Variants in SEL1L3 observed in about 807,000 individuals in gnomAD.
The protein encoded by SEL1L3 is protein sel-1 homolog 3.
A neutral mutation model predicts 142.8 loss-of-function variants in SEL1L3; 76 were observed. That is an observed-to-expected ratio of 0.53 (90% CI 0.44 to 0.64). The LOEUF is 0.64. Ranked by LOEUF, SEL1L3 falls within the 30% of genes least tolerant of loss-of-function variation. The probability of loss-of-function intolerance (pLI) is 0.00; values close to 1 mark genes in which losing one functional copy is unlikely to be tolerated. For missense variants in SEL1L3, 1,262 were observed against 1,381.7 expected (o/e 0.91, Z 1.37); for synonymous variants, 504 against 519.6 (o/e 0.97, Z 0.41).
chr4:25,770,106 C>A lies in SEL1L3; in HGVS notation c.2670-2276G>T, dbSNP rs530551095. ...CTGTGCAACTGCACTGCAGCCTGGG[C>A]GATAGAGCCAGATTCTGTCTCTAAA... is the stretch of plus-strand genomic sequence containing the variant. On this transcript the variant is annotated intron_variant, in intron 17 of 23. Transcript: ENST00000399878. Among the ~76,000 whole-genome samples the A allele has an allele frequency of 2.7e-4, 41 of 152,006 alleles. 1 individual carries two copies. Among genetic ancestry groups the A allele is most frequent in the Non-Finnish European group, 2.5e-4 (17 of 67,986 alleles).
rs150607500 is a variant in SEL1L3 at position 25,843,277 on chromosome 4, G to T, written c.733+4017C>A. Among the ~76,000 whole-genome samples, 196 of 151,786 alleles carry T rather than the reference G, an allele frequency of 1.3e-3. 1 individual carries two copies. The highest frequency in any genetic ancestry group is 4.6e-3 in the African/African-American group (190 of 41,358). On this transcript the variant is annotated intron_variant, in intron 2 of 23. Coordinates refer to ENST00000399878, the MANE Select transcript of SEL1L3 (RefSeq NM_015187.5). ...CAATCACCTTGCACTGGCTGCTGGT[G>T]GGGGGTGAGGAGGGTACGACGGGCA...
In SEL1L3 at chr4:25,788,438, G is replaced by C; in HGVS notation, c.2077-74C>G. ...TAACACAAGATTTTGAAAGGTGGGAGAGCAAACCTACTTTACGATGTTTTA... is the reference window on the plus strand; with the variant it reads ...TAACACAAGATTTTGAAAGGTGGGACAGCAAACCTACTTTACGATGTTTTA... On this transcript the variant is annotated intron_variant, in intron 12 of 23. Transcript: ENST00000399878. This position sits in a 1 kb window ranked among gnomAD's most constrained non-coding sequence, Gnocchi z 5.3. 1 of 1,473,650 alleles carries C rather than the reference G, an allele frequency of 6.8e-7. No homozygotes were observed. The highest frequency in any genetic ancestry group is 1.2e-5 in the South Asian group (1 of 84,290). 91.3% of individuals were successfully genotyped at this position (1,473,650 alleles called of 1,614,324 possible). A position where few individuals can be genotyped will look rare whatever the true frequency, so the allele number is the denominator to read the frequency against.
chr4:25,767,718 T>C (rs769479623), intron 18 of SEL1L3, 22 bp downstream of exon 18: 2 of 1,529,124 alleles, frequency 1.3e-6, no homozygotes, highest in East Asian at 2.3e-5. Context: ...GCTTCTACTC[T>C]GAGAAGAATA....
At chr4:25,824,184 T>C (rs1177390261) in intron 6 of SEL1L3, among the ~76,000 whole-genome samples, 3 of 152,128 alleles carry the variant, frequency 2.0e-5, no homozygotes, top group Non-Finnish European at 4.4e-5. Flanking sequence ...TTCCAAGACC[T>C]TGAAAAGACA....
Position 25,825,595 on chromosome 4 carries a change from T to TGGCTG in SEL1L3, c.1158-3472_1158-3468dup, listed in dbSNP as rs887051206. Among the ~76,000 whole-genome samples the TGGCTG allele has an allele frequency of 2.0e-4, 30 of 151,968 alleles. 1 individual carries two copies. The highest frequency in any genetic ancestry group is 1.9e-3 in the Admixed American group (29 of 15,258). Reference sequence around the variant, plus strand: ...GGTATGAGAACTTAGAGCTTCAAATTGGCTGCCCCCATGTCCCACAGAGTA... The same window carrying TGGCTG: ...GGTATGAGAACTTAGAGCTTCAAATTGGCTGGGCTGCCCCCATGTCCCACAGAGTA... On this transcript the variant is annotated intron_variant, in intron 6 of 23. Transcript: ENST00000399878.
At chr4:25,733,957 T>C in the SEL1L3 span, among the ~76,000 whole-genome samples, 1 of 152,190 alleles carries the variant, frequency 6.6e-6, no homozygotes, top group Non-Finnish European at 1.5e-5. Context: ...GGTTTTGTTA[T>C]AGATACTTTT....
intron 17 of SEL1L3, among the ~76,000 whole-genome samples, chr4:25,768,602 A>G (rs1718925404): frequency 6.6e-6 from 1 of 152,188 alleles, no homozygotes; most frequent in Admixed American, 6.5e-5. Flanking sequence ...AGAAACAATC[A>G]GAGATATGTG....
At chr4:25,765,301 G>T in intron 20 of SEL1L3, 25 bp downstream of exon 20, 10 of 1,506,556 alleles carry the variant, frequency 6.6e-6, no homozygotes, top group Non-Finnish European at 9.2e-6. Flanking sequence ...GCCAAGAGCT[G>T]GTTTTTGTTG....
At chr4:25,780,888 C>T (rs1280077397) in intron 15 of SEL1L3, among the ~76,000 whole-genome samples, 1 of 150,328 alleles carries the variant, frequency 6.7e-6, no homozygotes, top group Admixed American at 6.7e-5. Context: ...TACAGTGGCA[C>T]AATCTTAGCT....
intron 1 of SEL1L3, 129 bp downstream of exon 1, chr4:25,862,546 C>T: frequency 2.2e-6 from 1 of 448,572 alleles, no homozygotes; most frequent in Non-Finnish European, 3.5e-6. Context: ...GCCCGGGGCG[C>T]AGCGACGAGG....
chr4:25,790,706 A>C (rs1198580932), intron 11 of SEL1L3, 132 bp from the exon 12 acceptor site: 1 of 135,634 alleles, frequency 7.4e-6, no homozygotes, highest in Non-Finnish European at 1.5e-5. Context: ...GAGGGAAGGA[A>C]GAAAAGAAGG....
At chr4:25,809,480 C>T (rs1214167181) in intron 9 of SEL1L3, among the ~76,000 whole-genome samples, 2 of 152,004 alleles carry the variant, frequency 1.3e-5, no homozygotes, top group East Asian at 1.9e-4. Context: ...GACAGGGCTT[C>T]GCTATGTTAC....
chr4:25,782,613 T>G (rs529015341), intron 14 of SEL1L3, among the ~76,000 whole-genome samples, 195 bp from the exon 15 acceptor site: 1 of 152,284 alleles, frequency 6.6e-6, no homozygotes, highest in East Asian at 1.9e-4. Flanking sequence ...CAGGTGTGTT[T>G]CACCCGACTG....
At chr4:25,782,469 G>C in intron 14 of SEL1L3, 51 bp from the exon 15 acceptor site, 1 of 1,519,084 alleles carries the variant, frequency 6.6e-7, no homozygotes, top group Non-Finnish European at 9.0e-7. Flanking sequence ...GAAATCTAGA[G>C]AGCTCTGGAA....
intron 5 of SEL1L3, among the ~76,000 whole-genome samples, chr4:25,831,271 C>A (rs527380875): frequency 4.8e-4 from 73 of 151,282 alleles, no homozygotes; most frequent in African/African-American, 1.8e-3. Flanking sequence ...ACGTATTTTC[C>A]CTTCTATTAG....
At chr4:25,854,990 T>C (rs769186655) in intron 1 of SEL1L3, among the ~76,000 whole-genome samples, 1 of 152,248 alleles carries the variant, frequency 6.6e-6, no homozygotes, top group African/African-American at 2.4e-5. Flanking sequence ...TCACCCTGCA[T>C]GGCCTGTGCA....
the SEL1L3 span, among the ~76,000 whole-genome samples, chr4:25,730,767 G>A: frequency 2.6e-5 from 4 of 152,052 alleles, no homozygotes; most frequent in South Asian, 2.1e-4. Flanking sequence ...GGTGGCTCAC[G>A]CCTGTAATCC....
At chr4:25,822,696 C>T (rs576547936) in intron 6 of SEL1L3, among the ~76,000 whole-genome samples, 144 of 152,148 alleles carry the variant, frequency 9.5e-4, no homozygotes, top group African/African-American at 3.4e-3. Context: ...AGGGTTTGGC[C>T]GGAGATGAGA....
intron 11 of SEL1L3, among the ~76,000 whole-genome samples, chr4:25,793,858 T>G (rs1457160096): frequency 6.6e-6 from 1 of 152,150 alleles, no homozygotes; most frequent in Non-Finnish European, 1.5e-5. Flanking sequence ...TTGGGCAATT[T>G]CTGACCTCAT....
Sources: allele counts gnomAD v4.1 joint callset (sites outside exome capture counted in the v4.1 genomes callset), GRCh38; gene constraint gnomAD v4.1.1; non-coding constraint Gnocchi (gnomAD v3.1); transcripts MANE v1.5; gene names NCBI Gene and HGNC (gene_info 2026-07-23, HGNC 2026-07-21).